Variants in ARHGEF7 observed in about 807,000 individuals in gnomAD.
The protein encoded by ARHGEF7 is Rho guanine nucleotide exchange factor 7.
In ARHGEF7, 33 loss-of-function variants were observed where a neutral mutation model predicts 109.8. That is an observed-to-expected ratio of 0.30 (90% CI 0.23 to 0.40). ARHGEF7 has a LOEUF of 0.40. Among genes scored for constraint, ARHGEF7 ranks in the 10% least tolerant of loss-of-function variants. ARHGEF7 has a pLI of 1.00. For missense variants in ARHGEF7, 938 were observed against 1,098.5 expected, an observed-to-expected ratio of 0.85 and a Z score of 2.07; for synonymous variants, 458 against 424.6, an observed-to-expected ratio of 1.08 and a Z score of -0.97.
intron 8 of ARHGEF7, among the ~76,000 whole-genome samples, chr13:111,264,106 G>A (rs1472633119): frequency 6.6e-6 from 1 of 152,188 alleles, no homozygotes; most frequent in East Asian, 1.9e-4. Context: ...CAGTGCAGAT[G>A]CTAGCTTACT....
chr13:111,193,948 G>A (rs899952805), intron 2 of ARHGEF7, among the ~76,000 whole-genome samples: 1 of 152,210 alleles, frequency 6.6e-6, no homozygotes, highest in African/African-American at 2.4e-5. Context: ...AAGGAGTAGT[G>A]CCTGGTATCT....
intron 19 of ARHGEF7, among the ~76,000 whole-genome samples, chr13:111,295,501 A>G (rs1471309240): frequency 2.0e-5 from 3 of 152,252 alleles, no homozygotes; most frequent in African/African-American, 7.2e-5. Context: ...AATGGGAAAA[A>G]GCACAACTTT....
At position 111,266,054 on chromosome 13, in the gene ARHGEF7, G is replaced by A. The variant is rs901202102; in HGVS notation, c.951-1494G>A. On this transcript the variant is annotated intron_variant, in intron 8 of 21. Coordinates refer to ENST00000646102, the MANE Select transcript of ARHGEF7 (RefSeq NM_001354046.2). The surrounding 1 kb of genome is among the most constrained non-coding windows in gnomAD (Gnocchi z 4.8). ...AGCCACCTTTGTGTTGGATGCTGAC[G>A]TCTTTCATTTTTTTTTGCATTCCTC... Among the ~76,000 whole-genome samples the A allele has an allele frequency of 2.0e-5, 3 of 152,130 alleles. No homozygotes were observed. The highest frequency in any genetic ancestry group is 4.8e-5 in the African/African-American group (2 of 41,430).
At chr13:111,292,809 A>G (rs1366604306) in intron 19 of ARHGEF7, 3 of 993,552 alleles carry the variant, frequency 3.0e-6, no homozygotes, top group African/African-American at 3.5e-5. Context: ...AGAAGAATAT[A>G]TGCAGCAAAG....
chr13:111,292,611 T>C, intron 19 of ARHGEF7: 1 of 1,230,796 alleles, frequency 8.1e-7, no homozygotes, highest in Non-Finnish European at 1.0e-6. Flanking sequence ...ATGGTTTTTT[T>C]ATTCTCAGTG....
intron 2 of ARHGEF7, 112 bp from the exon 3 acceptor site, chr13:111,205,177 C>G (rs952126274): frequency 1.4e-6 from 1 of 725,766 alleles, no homozygotes; most frequent in East Asian, 2.9e-5. Flanking sequence ...GCAGGTTGTG[C>G]GGTCTCCTTA....
At chr13:111,295,485 C>T (rs929812545) in intron 19 of ARHGEF7, among the ~76,000 whole-genome samples, 10 of 152,040 alleles carry the variant, frequency 6.6e-5, no homozygotes, top group Non-Finnish European at 1.0e-4. Context: ...TTTGTGTGTG[C>T]GCATAAATGG....
chr13:111,160,453 C>T (rs1374194968), intron 2 of ARHGEF7, among the ~76,000 whole-genome samples: 1 of 151,830 alleles, frequency 6.6e-6, no homozygotes, highest in Non-Finnish European at 1.5e-5. Context: ...GATGTTTTAA[C>T]AGTACAGGTT....
At chr13:111,216,349 CT>C (rs2083139023) in intron 4 of ARHGEF7, among the ~76,000 whole-genome samples, 1 of 152,176 alleles carries the variant, frequency 6.6e-6, no homozygotes. Context: ...GGTCTCAGGC[CT>C]TCCCTGTGGC....
At chr13:111,117,217 T>A (rs1234323845) in intron 1 of ARHGEF7, among the ~76,000 whole-genome samples, 1 of 152,236 alleles carries the variant, frequency 6.6e-6, no homozygotes, top group Non-Finnish European at 1.5e-5. Flanking sequence ...TCAAAGAATA[T>A]GTTGTTTGGC....
intron 16 of ARHGEF7, among the ~76,000 whole-genome samples, chr13:111,285,253 A>G (rs1166396714): frequency 6.6e-6 from 1 of 152,176 alleles, no homozygotes; most frequent in African/African-American, 2.4e-5. Flanking sequence ...TCCCAAGAAA[A>G]GACTTTTAAA....
At chr13:111,205,432 G>T in intron 3 of ARHGEF7, 59 bp downstream of exon 3, 1 of 1,275,718 alleles carries the variant, frequency 7.8e-7, no homozygotes, top group Non-Finnish European at 1.1e-6. Flanking sequence ...TGACACCTTT[G>T]GTTTTCTTGT....
At position 111,127,927 on chromosome 13, in the gene ARHGEF7, A is replaced by G. The variant is rs147960227; in HGVS notation, c.165+12236A>G. Among the ~76,000 whole-genome samples, 255 of 152,348 alleles carry G rather than the reference A, an allele frequency of 1.7e-3. 1 individual carries two copies. The highest frequency in any genetic ancestry group is 5.6e-3 in the African/African-American group (234 of 41,588). On this transcript the variant is annotated intron_variant, in intron 1 of 21. Transcript: ENST00000646102. ...TAAAAATCAATCAATACAATTCATG[A>G]TATTAACAAACTAAAAGAGAAAAAT... is the stretch of plus-strand genomic sequence containing the variant.
chr13:111,256,918 G>A (rs759924293), intron 8 of ARHGEF7, among the ~76,000 whole-genome samples: 3 of 152,238 alleles, frequency 2.0e-5, no homozygotes, highest in African/African-American at 4.8e-5. Context: ...GGGTGACACC[G>A]CTTTATTCAT....
chr13:111,210,588 A>G (rs1235437349), intron 4 of ARHGEF7, among the ~76,000 whole-genome samples: 2 of 152,200 alleles, frequency 1.3e-5, no homozygotes, highest in Admixed American at 1.3e-4. Context: ...ACAGGCTGTG[A>G]GTAAAGCCCA....
At chr13:111,294,936 A>G (rs755281999) in intron 19 of ARHGEF7, 2 of 985,656 alleles carry the variant, frequency 2.0e-6, no homozygotes, top group Admixed American at 6.1e-5. Flanking sequence ...TAAAATTGCC[A>G]AAACACAGTA....
chr13:111,150,778 G>A (rs904463820), intron 1 of ARHGEF7, among the ~76,000 whole-genome samples: 1 of 152,192 alleles, frequency 6.6e-6, no homozygotes, highest in Non-Finnish European at 1.5e-5. Context: ...GCCCTGAGGG[G>A]CTGGACGAGA....
intron 9 of ARHGEF7, among the ~76,000 whole-genome samples, chr13:111,271,559 A>G (rs1351566715): frequency 6.6e-6 from 1 of 152,038 alleles, no homozygotes; most frequent in South Asian, 2.1e-4. Context: ...CAAGGAAATG[A>G]TTTTTGGAAA....
chr13:111,216,201 C>T (rs2083113947), intron 4 of ARHGEF7, among the ~76,000 whole-genome samples: 1 of 152,212 alleles, frequency 6.6e-6, no homozygotes, highest in Admixed American at 6.5e-5. Context: ...CCCTCTTAGA[C>T]TCAGCTTCTG....
Sources: allele counts gnomAD v4.1 joint callset (sites outside exome capture counted in the v4.1 genomes callset), GRCh38; gene constraint gnomAD v4.1.1; non-coding constraint Gnocchi (gnomAD v3.1); transcripts MANE v1.5; gene names NCBI Gene and HGNC (gene_info 2026-07-23, HGNC 2026-07-21).